Variants in CSMD1 observed in about 807,000 individuals in gnomAD.
The protein encoded by CSMD1 is CUB and sushi domain-containing protein 1.
A neutral mutation model predicts 417.5 loss-of-function variants in CSMD1; 213 were observed. The ratio of observed to expected loss-of-function variants is 0.51; its 90% CI spans 0.46 to 0.57. The LOEUF is 0.57. Among genes scored for constraint, CSMD1 ranks in the 20% least tolerant of loss-of-function variants. CSMD1 has a pLI of 0.00. For synonymous variants in CSMD1, 2,862 were observed against 1,736.8 expected (o/e 1.65, Z -16.11); for missense variants, 6,923 against 4,529.7 (o/e 1.53, Z -15.17).
chr8:3,309,234 C>G (rs1805134006), intron 23 of CSMD1, among the ~76,000 whole-genome samples: 1 of 152,154 alleles, frequency 6.6e-6, no homozygotes, highest in Non-Finnish European at 1.5e-5. Context: ...AGAATCCTGA[C>G]AGCCAGCACT....
rs1247358341 is a variant in CSMD1 at position 4,993,014 on chromosome 8, G to C, written c.85+1318C>G. On this transcript the variant is annotated intron_variant, in intron 1 of 69. Transcript: ENST00000635120. ...AAGTGCAGGGAGGGGAAGCCCAGGC[G>C]GCACGTCTCTCCCCCGCTCTCCAGG... 3.3e-5 allele frequency among the ~76,000 whole-genome samples: 5 copies of C among 152,294 alleles called. No homozygotes were observed. In the South Asian group the frequency reaches 1.0e-3, roughly 32 times the overall value.
At chr8:3,482,870 C>G (rs953079489) in intron 11 of CSMD1, among the ~76,000 whole-genome samples, 2 of 151,942 alleles carry the variant, frequency 1.3e-5, no homozygotes, top group African/African-American at 2.4e-5. Context: ...TAACACATTT[C>G]TAAATAATCC....
chr8:2,961,374 ATCTTC>A (rs1803467427), intron 61 of CSMD1, among the ~76,000 whole-genome samples, 160 bp from the exon 62 acceptor site: 1 of 152,192 alleles, frequency 6.6e-6, no homozygotes, highest in Admixed American at 6.5e-5. Flanking sequence ...TGCTACTTTT[ATCTTC>A]TCTTCAAGAC....
intron 7 of CSMD1, among the ~76,000 whole-genome samples, chr8:3,665,502 C>G (rs1396286926): frequency 6.6e-6 from 1 of 152,136 alleles, no homozygotes; most frequent in Non-Finnish European, 1.5e-5. Context: ...GCACTCCAGC[C>G]TGGGCGACAG....
intron 6 of CSMD1, among the ~76,000 whole-genome samples, chr8:3,719,630 A>C (rs1802035342): frequency 6.6e-6 from 1 of 151,964 alleles, no homozygotes; most frequent in Non-Finnish European, 1.5e-5. Flanking sequence ...GCACAGAGGA[A>C]AGTGCACTCT....
chr8:4,725,594 C>T (rs531037229), intron 1 of CSMD1, among the ~76,000 whole-genome samples: 19 of 152,238 alleles, frequency 1.2e-4, no homozygotes, highest in South Asian at 4.2e-4. Context: ...ACATGGGGCG[C>T]GTCTCAAATG....
At chr8:4,035,726 G>A (rs542912391) in intron 3 of CSMD1, among the ~76,000 whole-genome samples, 8 of 152,194 alleles carry the variant, frequency 5.3e-5, no homozygotes, top group Non-Finnish European at 1.2e-4. Flanking sequence ...TTACGGAAGA[G>A]TCAAATGCTT....
chr8:3,021,883 CGG>C (rs1563247297), intron 51 of CSMD1, among the ~76,000 whole-genome samples: 3 of 141,672 alleles, frequency 2.1e-5, no homozygotes, highest in Non-Finnish European at 1.5e-5. Context: ...CCACAGCGTC[CGG>C]AATGCACCTG....
At chr8:4,454,204 G>A (rs889476690) in intron 2 of CSMD1, among the ~76,000 whole-genome samples, 5 of 151,934 alleles carry the variant, frequency 3.3e-5, no homozygotes, top group African/African-American at 2.4e-5. Flanking sequence ...TTAAAACTCC[G>A]TGTCTCCTTA....
At chr8:4,587,521 C>T (rs751996096) in intron 2 of CSMD1, among the ~76,000 whole-genome samples, 1 of 151,846 alleles carries the variant, frequency 6.6e-6, no homozygotes, top group Admixed American at 6.6e-5. Context: ...ATGAATTTCT[C>T]CTTGTCCAAG....
At chr8:4,889,957 T>C (rs1027159987) in intron 1 of CSMD1, among the ~76,000 whole-genome samples, 16 of 152,146 alleles carry the variant, frequency 1.1e-4, no homozygotes. Context: ...GTATGACCTT[T>C]CAACTACATC....
intron 2 of CSMD1, among the ~76,000 whole-genome samples, chr8:4,587,995 A>C (rs1309650446): frequency 1.3e-5 from 2 of 152,204 alleles, no homozygotes; most frequent in Admixed American, 1.3e-4. Flanking sequence ...ACTTTCCTGA[A>C]TCGTGAATGC....
intron 11 of CSMD1, among the ~76,000 whole-genome samples, chr8:3,476,705 G>T (rs1008990847): frequency 6.6e-6 from 1 of 151,836 alleles, no homozygotes; most frequent in African/African-American, 2.4e-5. Flanking sequence ...ATTACTTGAG[G>T]TCAGGAGTTC....
chr8:3,477,200 C>A (rs538328262), intron 11 of CSMD1, among the ~76,000 whole-genome samples: 7 of 152,220 alleles, frequency 4.6e-5, no homozygotes, highest in African/African-American at 1.7e-4. Context: ...AAATGTAGCA[C>A]CTGCAATATG....
intron 3 of CSMD1, among the ~76,000 whole-genome samples, chr8:4,155,288 G>A (rs1563197217): frequency 6.6e-6 from 1 of 152,200 alleles, no homozygotes; most frequent in African/African-American, 2.4e-5. Flanking sequence ...ATTAGGGGGT[G>A]GAGCAGCAAG....
rs1193797092 is a variant in CSMD1 at position 2,937,449 on chromosome 8, A to C, written c.*1136T>G. 9.1e-6 allele frequency: 1 copy of C among 109,680 alleles called. No individual in the cohort carries two copies. Among genetic ancestry groups the C allele is most frequent in the East Asian group, 5.0e-4 (1 of 2,008 alleles). 6.8% of individuals were successfully genotyped at this position (109,680 alleles called of 1,614,324 possible). ...GCACAGTAAAAGACAAAAAAAAAAAAAAACAAAAAAAAAACACTGCAAAAG... is the reference window on the plus strand; with the variant it reads ...GCACAGTAAAAGACAAAAAAAAAAACAAACAAAAAAAAAACACTGCAAAAG... On this transcript the variant is annotated 3_prime_UTR_variant, in exon 70 of 70. Coordinates refer to ENST00000635120, the MANE Select transcript of CSMD1 (RefSeq NM_033225.6).
intron 5 of CSMD1, among the ~76,000 whole-genome samples, chr8:3,763,491 A>C (rs1798118749): frequency 6.6e-6 from 1 of 152,070 alleles, no homozygotes; most frequent in Non-Finnish European, 1.5e-5. Flanking sequence ...TCACCCTGTG[A>C]TATACCTGTG....
chr8:3,799,999 G>T (rs532334493), intron 5 of CSMD1, among the ~76,000 whole-genome samples: 1 of 152,126 alleles, frequency 6.6e-6, no homozygotes, highest in East Asian at 1.9e-4. Context: ...TCCACTATTT[G>T]TGTAACCTTG....
At chr8:3,811,414 T>C (rs2720888) in intron 5 of CSMD1, among the ~76,000 whole-genome samples, 16,695 of 152,198 alleles carry the variant, frequency 0.11, 1,471 homozygotes, top group East Asian at 0.35. Flanking sequence ...AGTAAGGCAT[T>C]TGCTTCATGT....
Sources: gnomAD v4.1 joint callset for allele counts (sites outside exome capture counted in the v4.1 genomes callset) on GRCh38, gnomAD v4.1.1 for gene constraint, MANE v1.5 for transcripts, NCBI Gene and HGNC (gene_info 2026-07-23, HGNC 2026-07-21) for gene names.